Variants in SEC16A observed in about 807,000 individuals in gnomAD.
SEC16A encodes the protein SEC16 homolog A, endoplasmic reticulum export factor, also known as protein transport protein Sec16A.
SEC16A carries 110 observed loss-of-function variants against 221.9 expected under a neutral mutation model. The observed-to-expected ratio is 0.50, with a 90% CI of 0.42 to 0.58. The LOEUF is 0.58. Among genes scored for constraint, SEC16A ranks in the 20% least tolerant of loss-of-function variants. SEC16A has a pLI of 0.00. For synonymous variants in SEC16A, 1,393 were observed against 1,257.7 expected (o/e 1.11, Z -2.28); for missense variants, 3,165 against 3,097.8 (o/e 1.02, Z -0.52).
chr9:136,475,905 C>A lies in SEC16A; in HGVS notation c.1711G>T (p.Val571Leu), dbSNP rs772819804. The A allele has an allele frequency of 1.2e-6, 2 of 1,610,764 alleles. No homozygotes were observed. The highest frequency in any genetic ancestry group is 1.7e-5 in the Admixed American group (1 of 59,442). Residue 571 changes from valine (V) to leucine (L), a missense_variant, in exon 3 of 32, where the codon GTA becomes TTA. Val to Leu is a conservative substitution (Grantham distance 32). This residue lies in a region of SEC16A where 2,030 missense variants were observed against 1,923.1 expected (regional missense o/e 1.06). Transcript: ENST00000684901. This position sits in a 1 kb window ranked among gnomAD's most constrained non-coding sequence, Gnocchi z 5.0. ...SFFKQIDSSP[V>L]GGETDETTVS... is the part of the protein sequence containing the mutation. Reference sequence around the variant, plus strand: ...GTGGTCTCGTCTGTTTCACCTCCTACGGGAGAAGAATCGATTTGCTTAAAA... The same window carrying A: ...GTGGTCTCGTCTGTTTCACCTCCTAAGGGAGAAGAATCGATTTGCTTAAAA...
At chr9:136,451,744 C>G (rs1223680569) in intron 22 of SEC16A, among the ~76,000 whole-genome samples, 1 of 152,148 alleles carries the variant, frequency 6.6e-6, no homozygotes, top group Non-Finnish European at 1.5e-5. Context: ...GGAAGACTGG[C>G]CAGAGGGGGG....
Position 136,466,941 on chromosome 9 carries a change from G to C in SEC16A, c.3929+16C>G, listed in dbSNP as rs777682764. 6.2e-7 allele frequency: 1 copy of C among 1,609,408 alleles called. No individual in the cohort carries two copies. The highest frequency in any genetic ancestry group is 1.1e-5 in the South Asian group (1 of 90,344). On this transcript the variant is annotated intron_variant, in intron 6 of 31. Transcript: ENST00000684901. The surrounding 1 kb of genome is among the most constrained non-coding windows in gnomAD (Gnocchi z 5.5). ...GCTGCCCCCAGCCTCTGCCTCCCCA[G>C]GGGTGCTCCACCAACCTGTCCCCGA...
intron 29 of SEC16A, 91 bp downstream of exon 29, chr9:136,445,554 G>C: frequency 1.0e-6 from 1 of 954,096 alleles, no homozygotes; most frequent in Non-Finnish European, 1.6e-6. Context: ...TTCCTACCCA[G>C]TACCGCCCCT....
chr9:136,483,778 G>T, upstream of SEC16A: 1 of 985,488 alleles, frequency 1.0e-6, no homozygotes, highest in Non-Finnish European at 1.2e-6. Context: ...GTTGGGCTGG[G>T]AGGCTGGAGG....
chr9:136,450,146 G>A (rs1029695777), intron 23 of SEC16A, among the ~76,000 whole-genome samples: 1 of 152,284 alleles, frequency 6.6e-6, no homozygotes. Flanking sequence ...GGAGGTTGCA[G>A]TGAGCCAAGA....
rs1837162354 is a variant in SEC16A at position 136,447,429 on chromosome 9, T to C, written c.6560-65A>G. 2 of 1,574,738 alleles carry C rather than the reference T, an allele frequency of 1.3e-6. No individual in the cohort carries two copies. Among genetic ancestry groups the C allele is most frequent in the South Asian group, 2.3e-5 (2 of 86,082 alleles). On this transcript the variant is annotated intron_variant, in intron 26 of 31. Transcript: ENST00000684901. This position sits in a 1 kb window ranked among gnomAD's most constrained non-coding sequence, Gnocchi z 5.5. Reference sequence around the variant, plus strand: ...GGTGGCCTCCAGCTTCCAAATGCTCTGCGCTCACTGCGTCAGAGGAAAAGC... The same window carrying C: ...GGTGGCCTCCAGCTTCCAAATGCTCCGCGCTCACTGCGTCAGAGGAAAAGC...
chr9:136,484,738 T>C (rs1842773748), upstream of SEC16A: 1 of 1,366,712 alleles, frequency 7.3e-7, no homozygotes, highest in Non-Finnish European at 9.8e-7. Flanking sequence ...CCAGGGCCAA[T>C]CTGCTCAGCT....
Position 136,475,517 on chromosome 9 carries a change from A to G in SEC16A, c.2099T>C (p.Val700Ala). 1 of 1,612,490 alleles carries G rather than the reference A, an allele frequency of 6.2e-7. No homozygotes were observed. The highest frequency in any genetic ancestry group is 8.5e-7 in the Non-Finnish European group (1 of 1,179,022). Residue 700 changes from valine to alanine, a missense_variant, in exon 3 of 32, where the codon GTG (valine) becomes GCG (alanine). Val to Ala is a moderately conservative substitution (Grantham distance 64). Transcript: ENST00000684901. The surrounding 1 kb of genome is among the most constrained non-coding windows in gnomAD (Gnocchi z 5.0). ...PHAGAPPLDT[V>A]YPAPEKRPSA... ...AGGCCTCTTCTCGGGTGCTGGATAC[A>G]CAGTATCCAAGGGCGGTGCCCCTGC...
rs1323900401 is a variant in SEC16A at position 136,450,874 on chromosome 9, C to T, written c.6312+382G>A. 5.3e-5 allele frequency among the ~76,000 whole-genome samples: 8 copies of T among 152,314 alleles called. No homozygotes were observed. The South Asian group carries it at 1.2e-3, about 24-fold the overall frequency. ...AGGCAAGGAGGCTCCTGGGGCCTGA[C>T]GGATCCCAGCCCCACACTGAAAGCA... On this transcript the variant is annotated intron_variant, in intron 23 of 31. Coordinates refer to ENST00000684901, the MANE Select transcript of SEC16A (RefSeq NM_014866.2).
At chr9:136,444,833 C>T (rs1195883586) in intron 30 of SEC16A, among the ~76,000 whole-genome samples, 1 of 143,878 alleles carries the variant, frequency 7.0e-6, no homozygotes, top group African/African-American at 2.6e-5. Flanking sequence ...GAGCTGAGAT[C>T]ACACCATTGC....
At chr9:136,446,730 G>A (rs1837043730) in intron 28 of SEC16A, 125 bp downstream of exon 28, 13 of 980,916 alleles carry the variant, frequency 1.3e-5, no homozygotes, top group Admixed American at 2.8e-5. Context: ...AGTGTGAGGC[G>A]TTTAAGGCGG....
Position 136,456,093 on chromosome 9 carries a change from G to T in SEC16A, c.5624C>A (p.Thr1875Lys). The T allele has an allele frequency of 6.2e-7, 1 of 1,613,050 alleles. No individual in the cohort carries two copies. The highest frequency in any genetic ancestry group is 8.5e-7 in the Non-Finnish European group (1 of 1,179,760). ...KPEEESLAAP[T>K]WLVHLQQVER... ...CACCTGCTGCAGGTGAACCAGCCACGTGGGTGCGGCCAAGGACTCCTCTTC... is the reference window on the plus strand; with the variant it reads ...CACCTGCTGCAGGTGAACCAGCCACTTGGGTGCGGCCAAGGACTCCTCTTC... The change falls in exon 19 of 32, where the codon ACG becomes AAG. Residue 1875 changes from threonine (T) to lysine (K), a missense_variant. Thr to Lys is a moderately conservative substitution (Grantham distance 78, BLOSUM62 -1). Around this residue, in one of 3 missense-constraint regions of SEC16A, gnomAD observed 1,088 missense variants for 1,089.6 expected, o/e 1.00. Coordinates refer to ENST00000684901, the MANE Select transcript of SEC16A (RefSeq NM_014866.2).
In SEC16A at chr9:136,456,403, C is replaced by T. The variant is rs536368822; in HGVS notation, c.5551-237G>A. On this transcript the variant is annotated intron_variant, in intron 18 of 31. Coordinates refer to ENST00000684901, the MANE Select transcript of SEC16A (RefSeq NM_014866.2). ...GGCACTGGGTTGGCAGTGCTAGGCA[C>T]CCCCCTGGAACAGGCCTGGCCCGAG... 8.5e-5 allele frequency among the ~76,000 whole-genome samples: 13 copies of T among 152,342 alleles called. 1 individual carries two copies. The highest frequency in any genetic ancestry group is 3.4e-3 in the Middle Eastern group (1 of 294).
intron 1 of SEC16A, among the ~76,000 whole-genome samples, chr9:136,480,293 G>A (rs1842157239): frequency 6.6e-6 from 1 of 152,184 alleles, no homozygotes; most frequent in Non-Finnish European, 1.5e-5. Context: ...TCTGCTGCCA[G>A]AACTGGGGTC....
At position 136,446,880 on chromosome 9, in the gene SEC16A, T is replaced by C. The variant is rs1330125382; in HGVS notation, c.6767A>G (p.Asn2256Ser). The change falls in exon 28 of 32, where the codon AAT becomes AGT. Residue 2256 changes from asparagine (N) to serine (S), a missense_variant. Physicochemically the swap from Asn to Ser is conservative, Grantham distance 46. This residue lies in a region of SEC16A where 1,088 missense variants were observed against 1,089.6 expected (regional missense o/e 1.00). Transcript: ENST00000684901. Reference protein sequence around the residue: ...EGPAAARGLANPEPAPEPKVL... With the variant: ...EGPAAARGLASPEPAPEPKVL... ...CTTGGGCTCTGGGGCAGGCTCTGGATTGGCCAGGCCCCTAGCTGCTGCAGG... is the reference window on the plus strand; with the variant it reads ...CTTGGGCTCTGGGGCAGGCTCTGGACTGGCCAGGCCCCTAGCTGCTGCAGG... 1 of 1,611,360 alleles carries C rather than the reference T, an allele frequency of 6.2e-7. No homozygotes were observed. Among genetic ancestry groups the C allele is most frequent in the Non-Finnish European group, 8.5e-7 (1 of 1,179,052 alleles).
At position 136,442,324 on chromosome 9, in the gene SEC16A, T is replaced by C. The variant is rs150614295; in HGVS notation, c.7006-501A>G. 3.6e-3 allele frequency among the ~76,000 whole-genome samples: 554 copies of C among 152,320 alleles called. 6 individuals carry two copies. Among genetic ancestry groups the C allele is most frequent in the African/African-American group, 0.013 (531 of 41,576 alleles). The stretch of plus-strand genomic sequence containing the variant: ...AGGACAATACCAAAATCGACTAGTC[T>C]GGATGCTGAAAAGCAGGTGACAGCC... On this transcript the variant is annotated intron_variant, in intron 31 of 31. Coordinates refer to ENST00000684901, the MANE Select transcript of SEC16A (RefSeq NM_014866.2).
intron 17 of SEC16A, among the ~76,000 whole-genome samples, chr9:136,457,815 G>A (rs1249115628): frequency 6.6e-6 from 1 of 152,202 alleles, no homozygotes; most frequent in Non-Finnish European, 1.5e-5. Context: ...GACTAAGCTG[G>A]TAGCAAACTC....
chr9:136,481,514 C>T (rs936624043), intron 1 of SEC16A, among the ~76,000 whole-genome samples: 2 of 152,204 alleles, frequency 1.3e-5, no homozygotes, highest in African/African-American at 2.4e-5. Context: ...CTTGAAAATG[C>T]AGTATTCATA....
rs953536971 is a variant in SEC16A at position 136,459,342 on chromosome 9, A to C, written c.5303+102T>G. The C allele has an allele frequency of 1.9e-5, 27 of 1,415,260 alleles. No individual in the cohort carries two copies. The African/African-American group carries it at 3.5e-4, about 19-fold the overall frequency. The allele number at this position is 1,415,260 out of a possible 1,614,324, so 87.7% of individuals were successfully genotyped here. On this transcript the variant is annotated intron_variant, in intron 16 of 31. Coordinates refer to ENST00000684901, the MANE Select transcript of SEC16A (RefSeq NM_014866.2). This position sits in a 1 kb window ranked among gnomAD's most constrained non-coding sequence, Gnocchi z 6.1. ...AGAAGTGTGTCCCACCACGTGACAAATAAAGACATGATTCTGGCCATTTCT... is the reference window on the plus strand; with the variant it reads ...AGAAGTGTGTCCCACCACGTGACAACTAAAGACATGATTCTGGCCATTTCT...
Sources: allele counts gnomAD v4.1 joint callset (sites outside exome capture counted in the v4.1 genomes callset), GRCh38; gene constraint gnomAD v4.1.1; regional missense constraint gnomAD v4.1.1; non-coding constraint Gnocchi (gnomAD v3.1); transcripts MANE v1.5; gene names NCBI Gene and HGNC (gene_info 2026-07-23, HGNC 2026-07-21).